YTHDF3: variants seen among roughly 807,000 people sequenced by gnomAD.
YTHDF3 encodes the protein YTH N6-methyladenosine RNA binding protein F3.
Under a neutral mutation model 52.5 loss-of-function variants are expected in YTHDF3, and 9 were observed. That is an observed-to-expected ratio of 0.17 (90% CI 0.10 to 0.30). The LOEUF (loss-of-function observed/expected upper bound fraction) is 0.30. Ranked by LOEUF, YTHDF3 falls within the 10% of genes least tolerant of loss-of-function variation. YTHDF3 has a pLI of 1.00. For missense variants in YTHDF3, 534 were observed against 715.0 expected (o/e 0.75, Z 2.89); for synonymous variants, 274 against 243.3 (o/e 1.13, Z -1.18).
chr8:63,198,232 C>T (rs1346382246), intron 4 of YTHDF3, among the ~76,000 whole-genome samples: 1 of 151,580 alleles, frequency 6.6e-6, no homozygotes, highest in Admixed American at 6.6e-5. Flanking sequence ...TTTTCTTTTC[C>T]TTTCCTTTCC....
chr8:63,199,432 G>A (rs781064918), intron 4 of YTHDF3, among the ~76,000 whole-genome samples: 5 of 152,142 alleles, frequency 3.3e-5, no homozygotes, highest in Admixed American at 1.3e-4. Flanking sequence ...ATAATTCGTT[G>A]TAAGTGGACT....
intron 4 of YTHDF3, among the ~76,000 whole-genome samples, chr8:63,209,247 G>GT (rs943279383): frequency 6.6e-6 from 1 of 151,978 alleles, no homozygotes; most frequent in Admixed American, 6.6e-5. Flanking sequence ...GTGATTTAAA[G>GT]TTTTTTTTAT....
chr8:63,202,555 G>C (rs1809708427), intron 4 of YTHDF3, among the ~76,000 whole-genome samples: 1 of 151,390 alleles, frequency 6.6e-6, no homozygotes, highest in South Asian at 2.1e-4. Context: ...TCCGCCTCCT[G>C]GGTTTAAGCG....
At chr8:63,183,211 T>C (rs896994178) in intron 3 of YTHDF3, among the ~76,000 whole-genome samples, 2 of 152,218 alleles carry the variant, frequency 1.3e-5, no homozygotes, top group Admixed American at 1.3e-4. Flanking sequence ...TATGCCTGCC[T>C]TGGCCTCTCA....
rs1807113185 is a variant in YTHDF3 at position 63,169,279 on chromosome 8, T to C, written c.25-108T>C. ...GGAGGATATGGTGGGTTTTTACTCC[T>C]ACGCGGATAGTCTAAAATAACTTGT... is the stretch of plus-strand genomic sequence containing the variant. On this transcript the variant is annotated intron_variant, in intron 1 of 4. Coordinates refer to ENST00000539294, the MANE Select transcript of YTHDF3 (RefSeq NM_152758.6). 9.0e-6 allele frequency: 13 copies of C among 1,446,012 alleles called. No individual in the cohort carries two copies. The South Asian group carries it at 1.4e-4, about 15-fold the overall frequency. The allele number at this position is 1,446,012 out of a possible 1,614,324, so 89.6% of individuals were successfully genotyped here. A position where few individuals can be genotyped will look rare whatever the true frequency, so the allele number is the denominator to read the frequency against.
intron 4 of YTHDF3, among the ~76,000 whole-genome samples, chr8:63,198,392 G>A (rs1160502323): frequency 5.3e-5 from 8 of 151,986 alleles, no homozygotes; most frequent in South Asian, 2.1e-4. Context: ...TCAGCCTCCC[G>A]AGTAGCCAGG....
intron 4 of YTHDF3, among the ~76,000 whole-genome samples, chr8:63,197,382 A>G (rs1200384785): frequency 6.6e-6 from 1 of 152,148 alleles, no homozygotes; most frequent in Non-Finnish European, 1.5e-5. Flanking sequence ...GGTTTTTTTC[A>G]TTTGTAGAAA....
chr8:63,204,807 A>G (rs1008712498), intron 4 of YTHDF3, among the ~76,000 whole-genome samples: 1 of 152,144 alleles, frequency 6.6e-6, no homozygotes, highest in African/African-American at 2.4e-5. Context: ...TTTTAGATAC[A>G]CAGTGACTTT....
chr8:63,180,019 G>A (rs1053928370), intron 3 of YTHDF3, among the ~76,000 whole-genome samples: 1 of 151,136 alleles, frequency 6.6e-6, no homozygotes, highest in Non-Finnish European at 1.5e-5. Context: ...GGCCGGGCGG[G>A]GGGCTGATCC....
At chr8:63,177,585 A>G (rs1585743842) in intron 3 of YTHDF3, among the ~76,000 whole-genome samples, 1 of 152,160 alleles carries the variant, frequency 6.6e-6, no homozygotes, top group Non-Finnish European at 1.5e-5. Flanking sequence ...AGGAGGTGTA[A>G]TAAATATTCC....
chr8:63,196,797 C>T (rs1025448569), intron 4 of YTHDF3, among the ~76,000 whole-genome samples: 2 of 151,724 alleles, frequency 1.3e-5, no homozygotes, highest in African/African-American at 2.4e-5. Flanking sequence ...GTTGGAGGGT[C>T]GGGGGAGTAA....
intron 3 of YTHDF3, among the ~76,000 whole-genome samples, chr8:63,185,542 A>C (rs1563400646): frequency 6.6e-6 from 1 of 152,212 alleles, no homozygotes; most frequent in South Asian, 2.1e-4. Context: ...TTTTTTTGAA[A>C]TGAACAAGGC....
In YTHDF3 at chr8:63,187,527, A is replaced by T; in HGVS notation, c.1516A>T (p.Ile506Phe). 1 of 1,613,964 alleles carries T rather than the reference A, an allele frequency of 6.2e-7. No individual in the cohort carries two copies. The highest frequency in any genetic ancestry group is 8.5e-7 in the Non-Finnish European group (1 of 1,179,884). The change falls in exon 4 of 5, where the codon ATC becomes TTC. Residue 506 changes from isoleucine to phenylalanine, a missense_variant. Coordinates refer to ENST00000539294, the MANE Select transcript of YTHDF3 (RefSeq NM_152758.6). ...KWKGKFEVKWIFVKDVPNNQL... is the reference protein window; with the variant it reads ...KWKGKFEVKWFFVKDVPNNQL... ...GAAGGGCAAATTTGAAGTTAAATGG[A>T]TCTTTGTCAAAGATGTTCCCAATAA...
At chr8:63,182,955 C>CTTTTTTTTTTT (rs11381385) in intron 3 of YTHDF3, among the ~76,000 whole-genome samples, 3 of 143,622 alleles carry the variant, frequency 2.1e-5, no homozygotes, top group African/African-American at 2.6e-5. Flanking sequence ...ACAGTTTTAT[C>CTTTTTTTTTTT]TTTTTTTTTT....
At position 63,169,382 on chromosome 8, in the gene YTHDF3, C is replaced by A; in HGVS notation, c.25-5C>A. 6.2e-7 allele frequency: 1 copy of A among 1,601,576 alleles called. No individual in the cohort carries two copies. The highest frequency in any genetic ancestry group is 8.5e-7 in the Non-Finnish European group (1 of 1,173,178). ...CTTTACCGCATCTTTCGTCTTGCAA[C>A]ACAGAGACCTAAAGGGCAAGGAAAT... is the stretch of plus-strand genomic sequence containing the variant. On this transcript the variant is annotated splice_region_variant and splice_polypyrimidine_tract_variant and intron_variant, in intron 1 of 4. Transcript: ENST00000539294.
chr8:63,197,523 A>G (rs1309524636), intron 4 of YTHDF3, among the ~76,000 whole-genome samples: 2 of 152,240 alleles, frequency 1.3e-5, no homozygotes, highest in East Asian at 3.8e-4. Context: ...GTTTAAAGAT[A>G]TATCAGGAAC....
rs2150407450 is a variant in YTHDF3, at chr8:63,209,779, A to C, written c.*73A>C. The stretch of plus-strand genomic sequence containing the variant: ...CTGGAAATGCCTAATAAGTCAAAGA[A>C]GACGTATTAAAGCTCTTTTCTGCTT... On this transcript the variant is annotated 3_prime_UTR_variant, in exon 5 of 5. Coordinates refer to ENST00000539294, the MANE Select transcript of YTHDF3 (RefSeq NM_152758.6). 3.5e-6 allele frequency: 5 copies of C among 1,420,690 alleles called. No individual in the cohort carries two copies. The highest frequency in any genetic ancestry group is 4.7e-6 in the Non-Finnish European group (5 of 1,053,502). The allele number at this position is 1,420,690 out of a possible 1,614,324, so 88.0% of individuals were successfully genotyped here.
intron 2 of YTHDF3, among the ~76,000 whole-genome samples, chr8:63,172,395 TC>T (rs1807388756): frequency 6.6e-6 from 1 of 152,170 alleles, no homozygotes; most frequent in African/African-American, 2.4e-5. Context: ...TCCGCTCTCT[TC>T]CAACGGAGAG....
chr8:63,186,801 G>T lies in YTHDF3; in HGVS notation c.790G>T (p.Ala264Ser). The change falls in exon 4 of 5, where the codon GCT becomes TCT. Residue 264 changes from alanine to serine, a missense_variant. Physicochemically the swap from Ala to Ser is moderately conservative, Grantham distance 99. Around this residue, in one of 3 missense-constraint regions of YTHDF3, gnomAD observed 203 missense variants for 201.3 expected, o/e 1.01. Coordinates refer to ENST00000539294, the MANE Select transcript of YTHDF3 (RefSeq NM_152758.6). ...PKGNVGIGGSAVPPPPIKHNM... is the reference protein window; with the variant it reads ...PKGNVGIGGSSVPPPPIKHNM... Reference sequence around the variant, plus strand: ...GGGCAATGTGGGAATTGGGGGTTCTGCTGTACCACCACCTCCTATAAAACA... The same window carrying T: ...GGGCAATGTGGGAATTGGGGGTTCTTCTGTACCACCACCTCCTATAAAACA... The T allele has an allele frequency of 6.2e-7, 1 of 1,613,988 alleles. No individual in the cohort carries two copies. The highest frequency in any genetic ancestry group is 8.5e-7 in the Non-Finnish European group (1 of 1,179,896).
Sources: gnomAD v4.1 joint callset for allele counts (sites outside exome capture counted in the v4.1 genomes callset) on GRCh38, gnomAD v4.1.1 for gene constraint, gnomAD v4.1.1 regional missense constraint, MANE v1.5 for transcripts, NCBI Gene and HGNC (gene_info 2026-07-23, HGNC 2026-07-21) for gene names.